Variants in SH3GL2 observed in about 807,000 individuals in gnomAD.
The protein encoded by SH3GL2 is endophilin-A1.
Under a neutral mutation model 46.0 loss-of-function variants are expected in SH3GL2, and 24 were observed. The ratio of observed to expected loss-of-function variants is 0.52; its 90% CI spans 0.38 to 0.73. SH3GL2 has a LOEUF of 0.73. SH3GL2 is among the 30% of genes least tolerant of loss of function. The pLI, the probability that SH3GL2 is intolerant of heterozygous loss-of-function variation, is 0.00. For missense variants in SH3GL2, 413 were observed against 424.2 expected, an observed-to-expected ratio of 0.97 and a Z score of 0.23; for synonymous variants, 196 against 147.1, an observed-to-expected ratio of 1.33 and a Z score of -2.40.
chr9:17,670,557 T>C (rs1318942584), intron 1 of SH3GL2, among the ~76,000 whole-genome samples: 1 of 152,222 alleles, frequency 6.6e-6, no homozygotes, highest in African/African-American at 2.4e-5. Flanking sequence ...ACAGTTGTAT[T>C]ATGCCAGTGA....
intron 1 of SH3GL2, among the ~76,000 whole-genome samples, chr9:17,667,504 G>T (rs1222537277): frequency 6.6e-6 from 1 of 152,078 alleles, no homozygotes; most frequent in African/African-American, 2.4e-5. Flanking sequence ...AGATGCATCA[G>T]TACAACATTT....
chr9:17,741,829 A>G (rs1399465048), intron 1 of SH3GL2, among the ~76,000 whole-genome samples: 1 of 152,174 alleles, frequency 6.6e-6, no homozygotes, highest in East Asian at 1.9e-4. Context: ...CGTTCCAGGT[A>G]ATCCAACAGA....
At chr9:17,721,008 C>T (rs1384643559) in intron 1 of SH3GL2, among the ~76,000 whole-genome samples, 1 of 152,076 alleles carries the variant, frequency 6.6e-6, no homozygotes, top group Non-Finnish European at 1.5e-5. Context: ...GCCTTATAGA[C>T]TGGTTAACAA....
intron 1 of SH3GL2, among the ~76,000 whole-genome samples, chr9:17,686,898 C>A (rs779998509): frequency 6.7e-6 from 1 of 149,586 alleles, no homozygotes; most frequent in African/African-American, 2.5e-5. Flanking sequence ...ATGTAACTAA[C>A]CTGCACAATG....
chr9:17,707,752 C>G (rs1821509031), intron 1 of SH3GL2, among the ~76,000 whole-genome samples: 1 of 152,032 alleles, frequency 6.6e-6, no homozygotes, highest in African/African-American at 2.4e-5. Context: ...GACCTTACAC[C>G]TAAATCCTTA....
intron 1 of SH3GL2, among the ~76,000 whole-genome samples, chr9:17,743,352 A>G (rs1453749029): frequency 6.6e-6 from 1 of 152,158 alleles, no homozygotes; most frequent in African/African-American, 2.4e-5. Context: ...TAATTACGTA[A>G]GAAATTTTTT....
intron 3 of SH3GL2, among the ~76,000 whole-genome samples, chr9:17,777,801 C>T (rs934261200): frequency 3.9e-5 from 6 of 152,052 alleles, no homozygotes; most frequent in Admixed American, 3.9e-4. Context: ...AGCACTATCT[C>T]AAAATACAAT....
chr9:17,671,826 C>T (rs141657565), intron 1 of SH3GL2, among the ~76,000 whole-genome samples: 23 of 152,266 alleles, frequency 1.5e-4, no homozygotes, highest in African/African-American at 5.5e-4. Context: ...TCTTCGTTGC[C>T]TTGAGACAAC....
chr9:17,767,375 T>C (rs1445014869), intron 3 of SH3GL2, among the ~76,000 whole-genome samples: 3 of 152,248 alleles, frequency 2.0e-5, no homozygotes, highest in Non-Finnish European at 2.9e-5. Flanking sequence ...GATACTCTAT[T>C]AAAATTAGTG....
chr9:17,653,276 C>G (rs1039303542), intron 1 of SH3GL2, among the ~76,000 whole-genome samples: 2 of 152,066 alleles, frequency 1.3e-5, no homozygotes. Flanking sequence ...CTCTTTAAAT[C>G]AGATGTCTTA....
intron 3 of SH3GL2, among the ~76,000 whole-genome samples, chr9:17,764,390 A>G (rs1823261911): frequency 6.6e-6 from 1 of 152,234 alleles, no homozygotes; most frequent in African/African-American, 2.4e-5. Flanking sequence ...AGAGTTAGGC[A>G]GACACCCAGA....
At chr9:17,648,777 C>T (rs893226592) in intron 1 of SH3GL2, among the ~76,000 whole-genome samples, 3 of 152,124 alleles carry the variant, frequency 2.0e-5, no homozygotes, top group Admixed American at 6.5e-5. Context: ...AAAGAGTTTC[C>T]TATGATAATG....
intron 1 of SH3GL2, among the ~76,000 whole-genome samples, chr9:17,687,193 C>G (rs1299637370): frequency 3.3e-5 from 5 of 152,106 alleles, no homozygotes; most frequent in Non-Finnish European, 7.4e-5. Context: ...ATCATTTCAT[C>G]ATCTAGAACC....
At chr9:17,615,580 A>C (rs996091743) in intron 1 of SH3GL2, among the ~76,000 whole-genome samples, 2 of 148,222 alleles carry the variant, frequency 1.3e-5, no homozygotes, top group African/African-American at 2.5e-5. Flanking sequence ...TCTTGAACCC[A>C]GGAGGCAGAG....
intron 1 of SH3GL2, among the ~76,000 whole-genome samples, chr9:17,715,632 CATT>C (rs1329277539): frequency 6.6e-6 from 1 of 151,904 alleles, no homozygotes; most frequent in East Asian, 1.9e-4. Flanking sequence ...TTATCTCAGA[CATT>C]GTATTTTTTT....
chr9:17,699,337 A>G (rs755488051), intron 1 of SH3GL2, among the ~76,000 whole-genome samples: 9 of 152,126 alleles, frequency 5.9e-5, no homozygotes, highest in Non-Finnish European at 1.2e-4. Flanking sequence ...GGTGAAGGAA[A>G]CAAGCAGTCA....
At chr9:17,623,793 C>A (rs1421121053) in intron 1 of SH3GL2, among the ~76,000 whole-genome samples, 1 of 151,616 alleles carries the variant, frequency 6.6e-6, no homozygotes, top group African/African-American at 2.4e-5. Flanking sequence ...TATCATGGTC[C>A]TTTACTTCTA....
Position 17,789,559 on chromosome 9 carries a change from C to T in SH3GL2, c.624+9C>T. On this transcript the variant is annotated intron_variant, in intron 6 of 8. Transcript: ENST00000380607. ...ATCTCTTGGAGATGGATGTAAGTGA[C>T]TCCTGTGGTTTTCAATTTAATCTTA... is the stretch of plus-strand genomic sequence containing the variant. 6.2e-7 allele frequency: 1 copy of T among 1,612,888 alleles called. No individual in the cohort carries two copies. The highest frequency in any genetic ancestry group is 8.5e-7 in the Non-Finnish European group (1 of 1,179,182).
At chr9:17,794,492 T>C (rs1484857870) in intron 8 of SH3GL2, among the ~76,000 whole-genome samples, 1 of 152,212 alleles carries the variant, frequency 6.6e-6, no homozygotes, top group Non-Finnish European at 1.5e-5. Flanking sequence ...CCAGGACTAG[T>C]CACAGAAATT....
Sources: gnomAD v4.1 joint callset for allele counts (sites outside exome capture counted in the v4.1 genomes callset) on GRCh38, gnomAD v4.1.1 for gene constraint, MANE v1.5 for transcripts, NCBI Gene and HGNC (gene_info 2026-07-23, HGNC 2026-07-21) for gene names.